Variants in MORC1 observed in about 807,000 individuals in gnomAD.
MORC1 encodes the protein MORC family CW-type zinc finger protein 1.
In MORC1, 59 loss-of-function variants were observed where a neutral mutation model predicts 134.9. The observed-to-expected ratio is 0.44, with a 90% confidence interval of 0.35 to 0.54. The LOEUF is 0.54. Among genes scored for constraint, MORC1 ranks in the 20% least tolerant of loss-of-function variants. The probability of loss-of-function intolerance (pLI) is 0.00; values close to 1 mark genes in which losing one functional copy is unlikely to be tolerated. For synonymous variants in MORC1, 395 were observed against 391.7 expected (o/e 1.01, Z -0.10); for missense variants, 947 against 1,134.5 (o/e 0.83, Z 2.37).
chr3:109,014,623 G>A (rs756275918), intron 17 of MORC1, among the ~76,000 whole-genome samples: 2 of 152,066 alleles, frequency 1.3e-5, no homozygotes, highest in Non-Finnish European at 2.9e-5. Flanking sequence ...AAATTATTTG[G>A]GTTTGTAATA....
intron 14 of MORC1, among the ~76,000 whole-genome samples, chr3:109,046,167 A>C (rs2107648310): frequency 6.6e-6 from 1 of 152,312 alleles, no homozygotes; most frequent in South Asian, 2.1e-4. Context: ...TAGACTTAGG[A>C]ATTCATGGAC....
chr3:109,006,891 T>C, intron 18 of MORC1, 138 bp downstream of exon 18: 2 of 487,904 alleles, frequency 4.1e-6, no homozygotes, highest in South Asian at 1.1e-4. Context: ...CTAACAAGAA[T>C]AAAATGGCAG....
intron 24 of MORC1, among the ~76,000 whole-genome samples, chr3:108,975,095 T>C (rs1298002733): frequency 2.0e-5 from 3 of 152,210 alleles, no homozygotes; most frequent in Non-Finnish European, 4.4e-5. Flanking sequence ...ACTCTACTCT[T>C]TCTAAACATG....
chr3:108,972,910 A>G (rs2715743), intron 24 of MORC1, among the ~76,000 whole-genome samples: 60,497 of 152,092 alleles, frequency 0.4, 12,526 homozygotes, highest in Middle Eastern at 0.55. Flanking sequence ...AGATGGCAGC[A>G]TTTACTAGGG....
intron 16 of MORC1, among the ~76,000 whole-genome samples, chr3:109,029,110 T>C (rs965540453): frequency 1.3e-5 from 2 of 152,178 alleles, no homozygotes; most frequent in Non-Finnish European, 2.9e-5. Context: ...CTGCAGCATA[T>C]ATTTTTCTCG....
intron 20 of MORC1, among the ~76,000 whole-genome samples, chr3:109,003,426 CACACGCAT>C (rs1948458290): frequency 6.9e-6 from 1 of 145,388 alleles, no homozygotes; most frequent in African/African-American, 2.5e-5. Flanking sequence ...CACACACACA[CACACGCAT>C]GCATACTGAG....
chr3:109,001,734 T>C (rs1426356450), intron 20 of MORC1, among the ~76,000 whole-genome samples: 4 of 152,234 alleles, frequency 2.6e-5, no homozygotes, highest in Non-Finnish European at 4.4e-5. Flanking sequence ...CCTTCTTTTC[T>C]TCTTACCCAT....
chr3:109,063,856 T>TTC (rs1363587560), intron 9 of MORC1, among the ~76,000 whole-genome samples: 1 of 151,862 alleles, frequency 6.6e-6, no homozygotes, highest in Non-Finnish European at 1.5e-5. Context: ...GAACCTGAGG[T>TTC]TCTCTGAATA....
rs565875823 is a variant in MORC1, at chr3:109,048,885, G to A, written c.1330+5843C>T. Among the ~76,000 whole-genome samples the A allele has an allele frequency of 9.2e-5, 14 of 152,168 alleles. No individual in the cohort carries two copies. In the East Asian group the frequency reaches 1.9e-3, roughly 21 times the overall value. On this transcript the variant is annotated intron_variant, in intron 14 of 27. Transcript: ENST00000232603. ...AAGGCCCTATCTCCAAATACAGCCC[G>A]AGCTACTGGGAGCTAGGGCTTCAAC... is the stretch of plus-strand genomic sequence containing the variant.
chr3:109,096,968 G>A (rs570989409), intron 6 of MORC1, among the ~76,000 whole-genome samples: 2 of 152,152 alleles, frequency 1.3e-5, no homozygotes, highest in East Asian at 3.9e-4. Context: ...TAAAAAACAG[G>A]AGTTACAAAA....
chr3:109,053,393 G>T (rs1949876028), intron 14 of MORC1, among the ~76,000 whole-genome samples: 1 of 152,034 alleles, frequency 6.6e-6, no homozygotes, highest in South Asian at 2.1e-4. Context: ...AACAACAGTG[G>T]ACTGGATAAA....
At chr3:109,040,488 G>GAAAGGAAGGAAA (rs1553753680) in intron 14 of MORC1, among the ~76,000 whole-genome samples, 1 of 92,476 alleles carries the variant, frequency 1.1e-5, no homozygotes, top group Non-Finnish European at 2.5e-5. Context: ...AAGAAAGAAA[G>GAAAGGAAGGAAA]GAAAGAAAAG....
intron 22 of MORC1, among the ~76,000 whole-genome samples, chr3:108,985,145 G>A (rs1348021761): frequency 6.6e-6 from 1 of 152,048 alleles, no homozygotes; most frequent in African/African-American, 2.4e-5. Flanking sequence ...TCTCCTATTT[G>A]GGGTTCAGGT....
chr3:109,032,380 ACTCT>A (rs369122359), intron 16 of MORC1, among the ~76,000 whole-genome samples: 173 of 152,296 alleles, frequency 1.1e-3, no homozygotes, highest in African/African-American at 4.0e-3. Flanking sequence ...CCCTGGAGAC[ACTCT>A]CTGAGTAACA....
chr3:109,108,137 C>T (rs1445403562), intron 3 of MORC1, among the ~76,000 whole-genome samples: 1 of 151,936 alleles, frequency 6.6e-6, no homozygotes, highest in South Asian at 2.1e-4. Context: ...TGCAATGAGC[C>T]GAGATGGTGC....
At position 109,074,799 on chromosome 3, in the gene MORC1, T is replaced by C. The variant is rs184516420; in HGVS notation, c.690-5042A>G. Among the ~76,000 whole-genome samples, 1,292 of 152,300 alleles carry C rather than the reference T, an allele frequency of 8.5e-3. 5 individuals are homozygous for C. Among genetic ancestry groups the C allele is most frequent in the Non-Finnish European group, 0.015 (998 of 68,024 alleles). On this transcript the variant is annotated intron_variant, in intron 8 of 27. Transcript: ENST00000232603. ...TAGAAAGAGGTGTTGTAGGAAAAAG[T>C]AGAATGAGGGGAATTGTGGGGATTA...
At chr3:109,096,037 A>G (rs1950825521) in intron 6 of MORC1, among the ~76,000 whole-genome samples, 1 of 152,218 alleles carries the variant, frequency 6.6e-6, no homozygotes, top group South Asian at 2.1e-4. Context: ...AACAGAAACC[A>G]TAAAAAGATG....
chr3:109,097,356 T>A (rs1215078425), intron 6 of MORC1, among the ~76,000 whole-genome samples: 3 of 152,170 alleles, frequency 2.0e-5, no homozygotes, highest in Admixed American at 6.5e-5. Context: ...CCATTAAGTG[T>A]TAGGGTAGAA....
intron 15 of MORC1, 99 bp from the exon 16 acceptor site, chr3:109,032,924 A>G: frequency 1.3e-6 from 1 of 798,694 alleles, no homozygotes. Context: ...GGTATCTCTC[A>G]ATCCAAAGAC....
Sources: allele counts gnomAD v4.1 joint callset (sites outside exome capture counted in the v4.1 genomes callset), GRCh38; gene constraint gnomAD v4.1.1; transcripts MANE v1.5; gene names NCBI Gene and HGNC (gene_info 2026-07-23, HGNC 2026-07-21).